Variants in GPHN observed in about 807,000 individuals in gnomAD.
GPHN encodes the protein gephyrin.
In GPHN, 17 loss-of-function variants were observed where a neutral mutation model predicts 95.5. That is an observed-to-expected ratio of 0.18 (90% CI 0.12 to 0.27). GPHN has a LOEUF of 0.27. GPHN is among the 10% of genes least tolerant of loss of function. The pLI, the probability that GPHN is intolerant of heterozygous loss-of-function variation, is 1.00. For synonymous variants in GPHN, 320 were observed against 322.5 expected, an observed-to-expected ratio of 0.99 and a Z score of 0.08; for missense variants, 660 against 978.1, an observed-to-expected ratio of 0.67 and a Z score of 4.34.
At chr14:67,012,175 G>A (rs2073052836) in intron 9 of GPHN, among the ~76,000 whole-genome samples, 2 of 152,188 alleles carry the variant, frequency 1.3e-5, no homozygotes, top group African/African-American at 4.8e-5. Context: ...TATTCCATGT[G>A]ATGCATCTTT....
intron 2 of GPHN, among the ~76,000 whole-genome samples, chr14:66,750,538 G>A (rs1402262822): frequency 6.6e-6 from 1 of 151,882 alleles, no homozygotes; most frequent in Non-Finnish European, 1.5e-5. Context: ...AGGTGAGGGA[G>A]GAGGATGACC....
intron 1 of GPHN, among the ~76,000 whole-genome samples, chr14:66,588,514 C>T (rs1425496694): frequency 1.3e-5 from 2 of 151,948 alleles, no homozygotes; most frequent in Admixed American, 6.6e-5. Flanking sequence ...GAATTGCTAA[C>T]TAGAGTAACC....
the GPHN span, among the ~76,000 whole-genome samples, chr14:67,247,141 T>C: frequency 0.046 from 6,941 of 152,318 alleles, 178 homozygotes; most frequent in Middle Eastern, 0.054. Flanking sequence ...CTGAAGATAA[T>C]TGACATCTTA....
chr14:67,573,311 G>C, the GPHN span: 3 of 1,613,592 alleles, frequency 1.9e-6, no homozygotes, highest in South Asian at 3.3e-5. The surrounding 1 kb of genome is among the most constrained non-coding windows in gnomAD (Gnocchi z 4.8). Flanking sequence ...TGCTGAAAAT[G>C]GGGAGCCAGG....
At chr14:67,011,262 C>A (rs1594808392) in intron 9 of GPHN, among the ~76,000 whole-genome samples, 1 of 151,898 alleles carries the variant, frequency 6.6e-6, no homozygotes, top group Admixed American at 6.6e-5. Context: ...GCATAGAATT[C>A]TCATATAAGA....
At chr14:67,496,071 C>T in the GPHN span, among the ~76,000 whole-genome samples, 1 of 152,216 alleles carries the variant, frequency 6.6e-6, no homozygotes, top group Non-Finnish European at 1.5e-5. Context: ...CCACTGTAGT[C>T]CCAGCTATTC....
At chr14:67,428,672 C>T in the GPHN span, among the ~76,000 whole-genome samples, 1 of 152,268 alleles carries the variant, frequency 6.6e-6, no homozygotes, top group Non-Finnish European at 1.5e-5. Context: ...TCAGTCTGTC[C>T]TCACCAGCTA....
At chr14:67,112,709 A>G (rs1293376824) in intron 15 of GPHN, among the ~76,000 whole-genome samples, 1 of 152,244 alleles carries the variant, frequency 6.6e-6, no homozygotes, top group African/African-American at 2.4e-5. Flanking sequence ...ATAATGTAAC[A>G]TAAAACAATT....
chr14:66,689,181 T>G (rs2153405063), intron 2 of GPHN, among the ~76,000 whole-genome samples: 1 of 152,310 alleles, frequency 6.6e-6, no homozygotes, highest in South Asian at 2.1e-4. Flanking sequence ...GGGTTTACTG[T>G]ATATGGCTTT....
intron 1 of GPHN, among the ~76,000 whole-genome samples, chr14:66,549,225 T>C (rs1447943152): frequency 6.6e-6 from 1 of 152,170 alleles, no homozygotes; most frequent in Non-Finnish European, 1.5e-5. Flanking sequence ...GTAAGTTGTG[T>C]GTCACAGGGG....
the GPHN span, among the ~76,000 whole-genome samples, chr14:67,463,968 AG>A: frequency 6.6e-6 from 1 of 152,200 alleles, no homozygotes; most frequent in Non-Finnish European, 1.5e-5. Flanking sequence ...TGAGACTCCA[AG>A]GATCTGTGGG....
the GPHN span, among the ~76,000 whole-genome samples, chr14:67,282,004 T>A: frequency 2.0e-5 from 3 of 152,160 alleles, no homozygotes; most frequent in African/African-American, 7.2e-5. Context: ...ATAACAGGTA[T>A]TTGTAATTCA....
the GPHN span, among the ~76,000 whole-genome samples, chr14:67,495,319 A>T: frequency 6.6e-6 from 1 of 152,126 alleles, no homozygotes; most frequent in Non-Finnish European, 1.5e-5. Context: ...TCCTCCCAGG[A>T]TCAACAACCT....
chr14:66,589,749 A>G (rs997795230), intron 1 of GPHN, among the ~76,000 whole-genome samples: 1 of 152,062 alleles, frequency 6.6e-6, no homozygotes, highest in East Asian at 1.9e-4. Flanking sequence ...TTAACACCCC[A>G]CTGTCAATAT....
At chr14:66,723,713 C>A (rs2070967240) in intron 2 of GPHN, among the ~76,000 whole-genome samples, 1 of 151,924 alleles carries the variant, frequency 6.6e-6, no homozygotes, top group African/African-American at 2.4e-5. Context: ...AAGTGGAAAA[C>A]AATTATATGT....
rs535578573 is a variant in GPHN, at chr14:66,588,940, T to C, written c.64+80349T>C. On this transcript the variant is annotated intron_variant, in intron 1 of 22. Coordinates refer to ENST00000478722, the MANE Select transcript of GPHN (RefSeq NM_020806.5). ...CCAAGACACATAATCGTCAGATTCA[T>C]CAAGGTTGAAATGAAGGAGAAAATG... is the stretch of plus-strand genomic sequence containing the variant. 1.6e-4 allele frequency among the ~76,000 whole-genome samples: 25 copies of C among 152,074 alleles called. No individual in the cohort carries two copies. In the East Asian group the frequency reaches 4.1e-3, roughly 25 times the overall value.
chr14:66,836,130 G>A (rs1295439643), intron 4 of GPHN, among the ~76,000 whole-genome samples: 4 of 131,854 alleles, frequency 3.0e-5, no homozygotes, highest in African/African-American at 1.1e-4. Context: ...AGCCCGCATC[G>A]CCAAGTCAAT....
chr14:67,229,089 C>T, the GPHN span, among the ~76,000 whole-genome samples: 3 of 152,180 alleles, frequency 2.0e-5, no homozygotes, highest in African/African-American at 7.2e-5. Flanking sequence ...CCCTGTTTTA[C>T]AGGTGGTGAA....
the GPHN span, among the ~76,000 whole-genome samples, chr14:67,208,635 A>C: frequency 1.3e-4 from 20 of 152,262 alleles, no homozygotes; most frequent in East Asian, 1.5e-3. Context: ...GCTAATTTTT[A>C]TTTTCATGGC....
Sources: allele counts gnomAD v4.1 joint callset (sites outside exome capture counted in the v4.1 genomes callset), GRCh38; gene constraint gnomAD v4.1.1; non-coding constraint Gnocchi (gnomAD v3.1); transcripts MANE v1.5; gene names NCBI Gene and HGNC (gene_info 2026-07-23, HGNC 2026-07-21).